Variants in ATP6V0A1 observed in about 807,000 individuals in gnomAD.
The protein encoded by ATP6V0A1 is ATPase H+ transporting V0 subunit a1.
Under a neutral mutation model 105.4 loss-of-function variants are expected in ATP6V0A1, and 43 were observed. The observed-to-expected ratio is 0.41, with a 90% CI of 0.32 to 0.53. The LOEUF (loss-of-function observed/expected upper bound fraction) is 0.53, where lower values mean the gene tolerates loss of function less well. ATP6V0A1 is among the 20% of genes least tolerant of loss of function. ATP6V0A1 has a pLI of 0.30. For missense variants in ATP6V0A1, 676 were observed against 1,051.1 expected (o/e 0.64, Z 4.93); for synonymous variants, 362 against 372.8 (o/e 0.97, Z 0.33).
chr17:42,495,280 G>T, intron 13 of ATP6V0A1, 92 bp downstream of exon 13: 1 of 1,392,256 alleles, frequency 7.2e-7, no homozygotes, highest in Non-Finnish European at 1.0e-6. Context: ...ACTTCTTTAG[G>T]AAGTGGTGAC....
rs942875708 is a variant in ATP6V0A1, at chr17:42,512,776, C to T, written c.2131-1085C>T. ...TTCTGGTGTCCTTTGGGAGTGGAAT[C>T]ACGTGGGTTTTGAAAGGAACTGCGG... On this transcript the variant is annotated intron_variant, in intron 19 of 21. Coordinates refer to ENST00000343619, the MANE Select transcript of ATP6V0A1 (RefSeq NM_001130021.3). 3.3e-5 allele frequency among the ~76,000 whole-genome samples: 5 copies of T among 152,298 alleles called. No individual in the cohort carries two copies. The South Asian group carries it at 1.0e-3, about 32-fold the overall frequency.
intron 5 of ATP6V0A1, among the ~76,000 whole-genome samples, chr17:42,473,817 G>T (rs76715590): frequency 0.01 from 1,593 of 152,178 alleles, 38 homozygotes; most frequent in African/African-American, 0.036. Context: ...CTAATGAAAA[G>T]AACTTAGTAA....
intron 2 of ATP6V0A1, among the ~76,000 whole-genome samples, chr17:42,462,870 C>T (rs2086592170): frequency 6.6e-6 from 1 of 152,006 alleles, no homozygotes; most frequent in Admixed American, 6.6e-5. Context: ...GCCTCAGCCT[C>T]CCAAAGTGCT....
At chr17:42,461,242 C>T (rs1179130798) in intron 2 of ATP6V0A1, among the ~76,000 whole-genome samples, 1 of 152,134 alleles carries the variant, frequency 6.6e-6, no homozygotes, top group Non-Finnish European at 1.5e-5. Flanking sequence ...AAGCATTCTC[C>T]AGGTAATTGT....
rs2089052319 is a variant in ATP6V0A1 at position 42,478,478 on chromosome 17, C to T, written c.522C>T (p.Val174=). ...TPLRLGFVAG[V]INRERIPTFE... ...CTCCCCACAGCTTCGTGGCTGGTGT[C>T]ATTAACCGGGAGCGCATCCCTACTT... Residue 174 remains valine (V), a synonymous_variant, in exon 7 of 22, where the codon GTC becomes GTT. Transcript: ENST00000343619. 3 of 1,606,806 alleles carry T rather than the reference C, an allele frequency of 1.9e-6. No individual in the cohort carries two copies. The highest frequency in any genetic ancestry group is 1.7e-6 in the Non-Finnish European group (2 of 1,175,750).
In ATP6V0A1 at chr17:42,465,063, G is replaced by C. The variant is rs574348542; in HGVS notation, c.118-1366G>C. On this transcript the variant is annotated intron_variant, in intron 2 of 21. Transcript: ENST00000343619. ...GCTGGAGTGCAATGGCACGATCTTG[G>C]CTCACTGCAACCTCTCCCTCCCAGG... Among the ~76,000 whole-genome samples, 284 of 152,176 alleles carry C rather than the reference G, an allele frequency of 1.9e-3. 2 individuals are homozygous for C. Among genetic ancestry groups the C allele is most frequent in the African/African-American group, 6.6e-3 (274 of 41,502 alleles).
At chr17:42,469,749 TCTC>T (rs2087632267) in intron 4 of ATP6V0A1, among the ~76,000 whole-genome samples, 1 of 152,120 alleles carries the variant, frequency 6.6e-6, no homozygotes, top group African/African-American at 2.4e-5. Flanking sequence ...TTCAAGTGAT[TCTC>T]CTGCTTCAGC....
At chr17:42,498,335 G>A (rs981185934) in intron 14 of ATP6V0A1, among the ~76,000 whole-genome samples, 1 of 152,218 alleles carries the variant, frequency 6.6e-6, no homozygotes, top group Admixed American at 6.5e-5. Context: ...TTTTAGTAAT[G>A]TGGAGATGAG....
At chr17:42,462,871 C>G (rs1436935885) in intron 2 of ATP6V0A1, among the ~76,000 whole-genome samples, 1 of 152,016 alleles carries the variant, frequency 6.6e-6, no homozygotes, top group Admixed American at 6.6e-5. Context: ...CCTCAGCCTC[C>G]CAAAGTGCTA....
intron 20 of ATP6V0A1, 124 bp from the exon 21 acceptor site, chr17:42,514,165 C>T (rs971302584): frequency 1.5e-6 from 2 of 1,344,836 alleles, no homozygotes; most frequent in Non-Finnish European, 2.1e-6. Context: ...CATGGTGGTC[C>T]CACTAAGGCA....
intron 21 of ATP6V0A1, 75 bp from the exon 22 acceptor site, chr17:42,520,952 C>T: frequency 7.5e-7 from 1 of 1,339,368 alleles, no homozygotes; most frequent in Non-Finnish European, 1.0e-6. Context: ...GGCATCTTTC[C>T]TGCCCAACTG....
chr17:42,517,470 G>A (rs537126027), intron 21 of ATP6V0A1, among the ~76,000 whole-genome samples: 107 of 152,132 alleles, frequency 7.0e-4, no homozygotes, highest in Non-Finnish European at 1.3e-3. Context: ...CATATATGTC[G>A]TATTTATTTT....
intron 21 of ATP6V0A1, chr17:42,520,309 A>G: frequency 2.6e-6 from 1 of 383,472 alleles, no homozygotes; most frequent in Non-Finnish European, 5.2e-6. Flanking sequence ...AGCACAGCCA[A>G]GCAGCCTCGC....
intron 5 of ATP6V0A1, chr17:42,471,251 T>A (rs2087884714): frequency 6.6e-6 from 1 of 150,396 alleles, no homozygotes; most frequent in African/African-American, 2.5e-5. Context: ...AAACCCCGTC[T>A]CTGCTAAAAA....
chr17:42,490,908 G>C (rs904469658), intron 11 of ATP6V0A1, among the ~76,000 whole-genome samples: 4 of 152,072 alleles, frequency 2.6e-5, no homozygotes, highest in Non-Finnish European at 5.9e-5. Flanking sequence ...TGCCTAGGCT[G>C]TAGTGCAATG....
chr17:42,486,612 G>A (rs1288807690), intron 9 of ATP6V0A1, among the ~76,000 whole-genome samples: 2 of 152,114 alleles, frequency 1.3e-5, no homozygotes, highest in Non-Finnish European at 2.9e-5. Flanking sequence ...TGATGGCAGT[G>A]GTATGTGGCA....
chr17:42,517,734 G>A (rs1322186580), intron 21 of ATP6V0A1, among the ~76,000 whole-genome samples: 1 of 152,168 alleles, frequency 6.6e-6, no homozygotes, highest in African/African-American at 2.4e-5. Context: ...TCTTACCAGG[G>A]GTGGAGCCTC....
intron 11 of ATP6V0A1, 30 bp from the exon 12 acceptor site, chr17:42,494,304 T>C (rs1244221296): frequency 1.9e-6 from 3 of 1,584,608 alleles, no homozygotes; most frequent in Admixed American, 1.7e-5. Flanking sequence ...TAATGTACTT[T>C]GTATTTTTCT....
At chr17:42,477,770 T>C (rs960723766) in intron 6 of ATP6V0A1, 28 bp downstream of exon 6, 6 of 1,553,104 alleles carry the variant, frequency 3.9e-6, no homozygotes, top group Non-Finnish European at 4.4e-6. Flanking sequence ...TTTTCGGTAT[T>C]CAGTGGGGCC....
Sources: gnomAD v4.1 joint callset for allele counts (sites outside exome capture counted in the v4.1 genomes callset) on GRCh38, gnomAD v4.1.1 for gene constraint, MANE v1.5 for transcripts, NCBI Gene and HGNC (gene_info 2026-07-23, HGNC 2026-07-21) for gene names.